ABTB2: variants seen among roughly 807,000 people sequenced by gnomAD.
The protein encoded by ABTB2 is ankyrin repeat and BTB domain containing 2, also known as ankyrin repeat and BTB/POZ domain-containing protein 2.
Under a neutral mutation model 104.1 loss-of-function variants are expected in ABTB2, and 56 were observed. The observed-to-expected ratio is 0.54, with a 90% CI of 0.43 to 0.67. The LOEUF is 0.67. ABTB2 is among the 30% of genes least tolerant of loss of function. ABTB2 has a pLI of 0.00. For synonymous variants in ABTB2, 606 were observed against 608.2 expected (o/e 1.00, Z 0.05); for missense variants, 1,279 against 1,407.7 (o/e 0.91, Z 1.46).
At chr11:34,355,575 T>C (rs1403093806) in intron 1 of ABTB2, among the ~76,000 whole-genome samples, 3 of 152,216 alleles carry the variant, frequency 2.0e-5, no homozygotes, top group Non-Finnish European at 2.9e-5. Context: ...TCAGCTATTA[T>C]GATTATGTTA....
At chr11:34,338,581 C>G (rs1413490554) in intron 1 of ABTB2, among the ~76,000 whole-genome samples, 1 of 151,734 alleles carries the variant, frequency 6.6e-6, no homozygotes, top group Non-Finnish European at 1.5e-5. Context: ...TGGGGTGCAC[C>G]TGCAGTCCCA....
chr11:34,171,062 G>C lies in ABTB2; in HGVS notation c.1407C>G (p.His469Gln). 1 of 1,614,166 alleles carries C rather than the reference G, an allele frequency of 6.2e-7. No homozygotes were observed. Residue 469 changes from histidine (H) to glutamine (Q), a missense_variant, in exon 5 of 17, where the codon CAC becomes CAG. By Grantham distance (24) the His-to-Gln change is conservative. Transcript: ENST00000435224. Reference protein sequence around the residue: ...DCEPRQLKPEHCFSSFRRLDA... With the variant: ...DCEPRQLKPEQCFSSFRRLDA... Reference sequence around the variant, plus strand: ...CCAGCCTCCGGAAGGAACTGAAACAGTGTTCGGGTCTGCCCAGAAGAGACC... The same window carrying C: ...CCAGCCTCCGGAAGGAACTGAAACACTGTTCGGGTCTGCCCAGAAGAGACC...
At chr11:34,217,734 C>A (rs763875411) in intron 1 of ABTB2, among the ~76,000 whole-genome samples, 15 of 152,140 alleles carry the variant, frequency 9.9e-5, no homozygotes, top group Non-Finnish European at 1.9e-4. Flanking sequence ...AGTGTTGGGA[C>A]TACAGGCATG....
At chr11:34,253,977 G>A (rs1026633705) in intron 1 of ABTB2, among the ~76,000 whole-genome samples, 1 of 152,098 alleles carries the variant, frequency 6.6e-6, no homozygotes, top group African/African-American at 2.4e-5. Context: ...TGAGAGCACT[G>A]GCCATGTAGA....
intron 11 of ABTB2, 93 bp downstream of exon 11, chr11:34,160,810 G>T: frequency 7.2e-7 from 1 of 1,381,240 alleles, no homozygotes; most frequent in Non-Finnish European, 9.8e-7. Flanking sequence ...GGGTCCCTGT[G>T]TCTGTCCACG....
chr11:34,314,388 A>G (rs1317757578), intron 1 of ABTB2, among the ~76,000 whole-genome samples: 1 of 152,224 alleles, frequency 6.6e-6, no homozygotes, highest in Non-Finnish European at 1.5e-5. Flanking sequence ...TTACTAGGGT[A>G]TCTGTACTCC....
chr11:34,286,271 A>C (rs1854503716), intron 1 of ABTB2, among the ~76,000 whole-genome samples: 1 of 151,828 alleles, frequency 6.6e-6, no homozygotes, highest in Non-Finnish European at 1.5e-5. Context: ...GAGCCTGGGC[A>C]TCACGGTGAG....
chr11:34,347,436 A>G (rs1430671847), intron 1 of ABTB2, among the ~76,000 whole-genome samples: 2 of 113,450 alleles, frequency 1.8e-5, no homozygotes, highest in Non-Finnish European at 3.3e-5. Flanking sequence ...ACTTTGTGTC[A>G]AAAAAATAAT....
intron 1 of ABTB2, among the ~76,000 whole-genome samples, chr11:34,354,479 G>T (rs952817931): frequency 2.0e-5 from 3 of 150,048 alleles, no homozygotes; most frequent in Admixed American, 6.6e-5. Context: ...ACAAAAGGTG[G>T]TGGTGGAGCT....
At chr11:34,241,028 A>G (rs1332484568) in intron 1 of ABTB2, among the ~76,000 whole-genome samples, 1 of 152,140 alleles carries the variant, frequency 6.6e-6, no homozygotes, top group Non-Finnish European at 1.5e-5. Flanking sequence ...GGGGGAAAGG[A>G]AATGGGAGAC....
chr11:34,208,341 T>A (rs1853434993), intron 1 of ABTB2, among the ~76,000 whole-genome samples: 1 of 152,218 alleles, frequency 6.6e-6, no homozygotes, highest in African/African-American at 2.4e-5. Context: ...GAAGAAAGCA[T>A]GCGGGAACAT....
intron 3 of ABTB2, among the ~76,000 whole-genome samples, chr11:34,196,737 C>G (rs530792245): frequency 9.2e-4 from 140 of 152,322 alleles, no homozygotes; most frequent in Admixed American, 3.1e-3. Context: ...AGCCCACAGG[C>G]TTGGGTCCAG....
At chr11:34,325,930 G>A (rs892191765) in intron 1 of ABTB2, among the ~76,000 whole-genome samples, 2 of 134,296 alleles carry the variant, frequency 1.5e-5, no homozygotes, top group African/African-American at 3.0e-5. Context: ...CAGCCTGGGC[G>A]ACAGAGTGAG....
intron 1 of ABTB2, among the ~76,000 whole-genome samples, chr11:34,265,070 T>C (rs1854231682): frequency 1.3e-5 from 2 of 152,122 alleles, no homozygotes; most frequent in Admixed American, 1.3e-4. Context: ...GTCGCTTCAT[T>C]TGAAAAAAGC....
At chr11:34,348,689 C>G (rs7934929) in intron 1 of ABTB2, among the ~76,000 whole-genome samples, 10,118 of 152,138 alleles carry the variant, frequency 0.067, 423 homozygotes, top group East Asian at 0.2. Context: ...AGGTCCCCAA[C>G]TATGGGATGG....
chr11:34,287,762 T>C (rs988824909), intron 1 of ABTB2, among the ~76,000 whole-genome samples: 2 of 152,188 alleles, frequency 1.3e-5, no homozygotes, highest in Non-Finnish European at 2.9e-5. Flanking sequence ...GAGAGGCCTT[T>C]CCTGAGCCCT....
At chr11:34,328,371 G>T (rs1188233095) in intron 1 of ABTB2, among the ~76,000 whole-genome samples, 1 of 152,182 alleles carries the variant, frequency 6.6e-6, no homozygotes, top group East Asian at 1.9e-4. Context: ...CAGCTGGAGG[G>T]AGCCTGGTGT....
intron 1 of ABTB2, among the ~76,000 whole-genome samples, chr11:34,323,388 A>G (rs1298782153): frequency 1.3e-5 from 2 of 152,206 alleles, no homozygotes; most frequent in East Asian, 1.9e-4. Flanking sequence ...AAGCCTGTAT[A>G]CTTTTTTAAT....
chr11:34,333,982 T>C (rs963877783), intron 1 of ABTB2, among the ~76,000 whole-genome samples: 1 of 149,610 alleles, frequency 6.7e-6, no homozygotes, highest in African/African-American at 2.5e-5. Context: ...ATCTTGGTGC[T>C]TCCCCTTTCC....
Sources: allele counts gnomAD v4.1 joint callset (sites outside exome capture counted in the v4.1 genomes callset), GRCh38; gene constraint gnomAD v4.1.1; transcripts MANE v1.5; gene names NCBI Gene and HGNC (gene_info 2026-07-23, HGNC 2026-07-21).